Variants in NBAS observed in about 807,000 individuals in gnomAD.
The protein encoded by NBAS is NBAS subunit of NRZ tethering complex.
In NBAS, 219 loss-of-function variants were observed where a neutral mutation model predicts 302.5. The ratio of observed to expected loss-of-function variants is 0.72; its 90% CI spans 0.65 to 0.81. The LOEUF (loss-of-function observed/expected upper bound fraction) is 0.81. Ranked by LOEUF, NBAS falls within the 30% of genes least tolerant of loss-of-function variation. NBAS has a pLI of 0.00. For missense variants in NBAS, 2,932 were observed against 2,841.6 expected, an observed-to-expected ratio of 1.03 and a Z score of -0.72; for synonymous variants, 1,118 against 1,021.6, an observed-to-expected ratio of 1.09 and a Z score of -1.80.
intron 21 of NBAS, among the ~76,000 whole-genome samples, chr2:15,438,456 G>A (rs1490692361): frequency 6.6e-6 from 1 of 152,110 alleles, no homozygotes; most frequent in Non-Finnish European, 1.5e-5. Context: ...CAACAATGAA[G>A]TATGGAGTAA....
intron 10 of NBAS, among the ~76,000 whole-genome samples, chr2:15,505,622 G>GA (rs1183309770): frequency 6.6e-6 from 1 of 152,142 alleles, no homozygotes; most frequent in African/African-American, 2.4e-5. Context: ...ACTGACAAAA[G>GA]AAGGCACCGT....
chr2:15,440,071 G>A (rs552719875), intron 21 of NBAS, among the ~76,000 whole-genome samples: 1 of 152,226 alleles, frequency 6.6e-6, no homozygotes, highest in East Asian at 1.9e-4. Context: ...CTCCATCTCT[G>A]GGGGCAGGGC....
chr2:14,890,336 A>G, the NBAS span, among the ~76,000 whole-genome samples: 1 of 152,252 alleles, frequency 6.6e-6, no homozygotes, highest in East Asian at 1.9e-4. Context: ...TATCTTCTAC[A>G]CAGCAAAAAA....
the NBAS span, among the ~76,000 whole-genome samples, chr2:15,105,599 T>C: frequency 6.6e-6 from 1 of 152,106 alleles, no homozygotes; most frequent in Admixed American, 6.6e-5. Context: ...TGTGAAGCAG[T>C]TCAGGACCAA....
intron 11 of NBAS, among the ~76,000 whole-genome samples, chr2:15,495,656 A>G (rs1681039452): frequency 6.6e-6 from 1 of 152,180 alleles, no homozygotes; most frequent in South Asian, 2.1e-4. Flanking sequence ...TGTTTGTGAC[A>G]GGGTCCATAG....
chr2:15,271,993 C>A (rs972626557), intron 44 of NBAS, among the ~76,000 whole-genome samples: 1 of 152,164 alleles, frequency 6.6e-6, no homozygotes, highest in Non-Finnish European at 1.5e-5. Flanking sequence ...GCATATTAAT[C>A]ATCTCAAATG....
At chr2:15,108,138 G>A in the NBAS span, among the ~76,000 whole-genome samples, 14 of 152,202 alleles carry the variant, frequency 9.2e-5, no homozygotes, top group East Asian at 9.6e-4. Flanking sequence ...ATTAAGGCTG[G>A]TATCAACATT....
At chr2:15,018,542 T>A in the NBAS span, among the ~76,000 whole-genome samples, 2 of 152,056 alleles carry the variant, frequency 1.3e-5, no homozygotes, top group Admixed American at 6.6e-5. Context: ...CATAATAATT[T>A]CTGCACACAT....
At chr2:15,077,904 G>A in the NBAS span, among the ~76,000 whole-genome samples, 740 of 151,904 alleles carry the variant, frequency 4.9e-3, 6 homozygotes, top group African/African-American at 0.017. Flanking sequence ...GGCTGGTCTC[G>A]AACTCCTGAC....
rs1472513686 is a variant in NBAS, at chr2:15,542,066, G to T, written c.380-2710C>A. Among the ~76,000 whole-genome samples, 2 of 81,600 alleles carry T rather than the reference G, an allele frequency of 2.5e-5. 1 individual carries two copies. Among genetic ancestry groups the T allele is most frequent in the African/African-American group, 9.5e-5 (2 of 21,050 alleles). The allele number at this position is 81,600 out of a possible 152,430, so 53.5% of individuals were successfully genotyped here. On this transcript the variant is annotated intron_variant, in intron 6 of 51. Coordinates refer to ENST00000281513, the MANE Select transcript of NBAS (RefSeq NM_015909.4). Reference sequence around the variant, plus strand: ...CAGGAGGTGAGGGGCGCCTCTGCCCGGCCGCCCCTACTGGGAAGTGAGGAG... The same window carrying T: ...CAGGAGGTGAGGGGCGCCTCTGCCCTGCCGCCCCTACTGGGAAGTGAGGAG...
intron 30 of NBAS, among the ~76,000 whole-genome samples, chr2:15,375,760 G>T (rs997150514): frequency 6.6e-6 from 1 of 152,024 alleles, no homozygotes; most frequent in Non-Finnish European, 1.5e-5. Flanking sequence ...AATTGTGGGT[G>T]CTCACTACCA....
At chr2:14,914,054 C>A in the NBAS span, among the ~76,000 whole-genome samples, 1 of 152,066 alleles carries the variant, frequency 6.6e-6, no homozygotes, top group African/African-American at 2.4e-5. Flanking sequence ...TGGTAGCAGG[C>A]GAGACAGAAT....
In NBAS at chr2:15,352,068, CTT is replaced by C. The variant is rs1402595798; in HGVS notation, c.4101_4102del (p.Arg1368SerfsTer8). On this transcript the variant is annotated frameshift_variant, in exon 35 of 52. Transcript: ENST00000281513. LOFTEE classifies it high-confidence loss of function. ...TTCATGATGGATCTGGAAATTCACT[CTT>C]TGATAAAGAATCTAAAACAAGAATA... The C allele has an allele frequency of 6.2e-7, 1 of 1,609,018 alleles. No individual in the cohort carries two copies. The highest frequency in any genetic ancestry group is 1.7e-5 in the Admixed American group (1 of 59,992).
intron 38 of NBAS, among the ~76,000 whole-genome samples, chr2:15,323,726 T>C (rs2148210518): frequency 6.6e-6 from 1 of 151,920 alleles, no homozygotes; most frequent in South Asian, 2.1e-4. Flanking sequence ...TTTCAGCTAC[T>C]CAGGAGGCAG....
At chr2:15,425,657 AGT>A (rs1020114358) in intron 22 of NBAS, among the ~76,000 whole-genome samples, 5 of 152,176 alleles carry the variant, frequency 3.3e-5, no homozygotes, top group Non-Finnish European at 7.3e-5. Context: ...CTAGTCTCAC[AGT>A]GTTGTTAACA....
chr2:15,193,715 T>C (rs1180573241), intron 48 of NBAS, among the ~76,000 whole-genome samples: 1 of 152,110 alleles, frequency 6.6e-6, no homozygotes, highest in African/African-American at 2.4e-5. Flanking sequence ...TATACTTTGA[T>C]ATATAACAAG....
intron 21 of NBAS, among the ~76,000 whole-genome samples, chr2:15,436,642 T>C (rs1206952346): frequency 6.6e-6 from 1 of 152,220 alleles, no homozygotes; most frequent in Non-Finnish European, 1.5e-5. Flanking sequence ...TGTCTTTAAC[T>C]GTGTCAGTCA....
intron 44 of NBAS, among the ~76,000 whole-genome samples, chr2:15,252,843 T>C (rs1403949444): frequency 1.3e-5 from 2 of 151,946 alleles, no homozygotes; most frequent in Non-Finnish European, 2.9e-5. Flanking sequence ...AGAATCACTA[T>C]CCTGGAAGAA....
At chr2:14,919,000 AC>A in the NBAS span, among the ~76,000 whole-genome samples, 1 of 152,288 alleles carries the variant, frequency 6.6e-6, no homozygotes, top group African/African-American at 2.4e-5. Context: ...GAGGGAGGGT[AC>A]AGAAGACAAC....
Sources: gnomAD v4.1 joint callset for allele counts (sites outside exome capture counted in the v4.1 genomes callset) on GRCh38, gnomAD v4.1.1 for gene constraint, MANE v1.5 for transcripts, NCBI Gene and HGNC (gene_info 2026-07-23, HGNC 2026-07-21) for gene names.